The following WWOX variants were observed in gnomAD, a reference collection of about 807,000 sequenced individuals.
WWOX encodes the protein WW domain-containing oxidoreductase.
Under a neutral mutation model 46.2 loss-of-function variants are expected in WWOX, and 69 were observed. That is an observed-to-expected ratio of 1.49 (90% CI 1.23 to 1.82). The LOEUF (loss-of-function observed/expected upper bound fraction) is 1.82, where lower values mean the gene tolerates loss of function less well. Among genes scored for constraint, WWOX ranks in the 40% most tolerant of loss-of-function variants. The pLI is 0.00. For missense variants in WWOX, 919 were observed against 542.6 expected, an observed-to-expected ratio of 1.69 and a Z score of -6.89; for synonymous variants, 359 against 202.6, an observed-to-expected ratio of 1.77 and a Z score of -6.56.
At chr16:79,122,887 GCA>G (rs1266294368) in intron 8 of WWOX, among the ~76,000 whole-genome samples, 55 of 152,306 alleles carry the variant, frequency 3.6e-4, no homozygotes, top group African/African-American at 1.3e-3. Flanking sequence ...ACTGAGGCTT[GCA>G]ATGGCCACCT....
chr16:78,810,792 T>C (rs1035000474), intron 8 of WWOX, among the ~76,000 whole-genome samples: 9 of 152,078 alleles, frequency 5.9e-5, no homozygotes, highest in Non-Finnish European at 1.0e-4. Context: ...CAAATCATCT[T>C]ATGCAGGGGG....
intron 8 of WWOX, among the ~76,000 whole-genome samples, chr16:78,967,396 A>C (rs1553820): frequency 0.44 from 58,553 of 133,256 alleles, 13,305 homozygotes; most frequent in East Asian, 0.79. Flanking sequence ...CTTTCCACCC[A>C]CCTCAGCCTC....
At chr16:78,855,749 C>T (rs921742699) in intron 8 of WWOX, among the ~76,000 whole-genome samples, 2 of 152,166 alleles carry the variant, frequency 1.3e-5, no homozygotes, top group African/African-American at 2.4e-5. Flanking sequence ...CTCCTAACTT[C>T]TGTGTTTGCT....
intron 8 of WWOX, among the ~76,000 whole-genome samples, chr16:78,757,174 C>A (rs377712582): frequency 6.6e-6 from 1 of 151,998 alleles, no homozygotes; most frequent in Non-Finnish European, 1.5e-5. Flanking sequence ...AATTCTTGTG[C>A]GAGATAATAA....
intron 8 of WWOX, among the ~76,000 whole-genome samples, chr16:79,138,543 C>T (rs1194017041): frequency 3.3e-5 from 5 of 152,202 alleles, no homozygotes; most frequent in Non-Finnish European, 7.3e-5. Flanking sequence ...TGGGCCCTGG[C>T]ATCAGACCTG....
At chr16:78,379,881 G>C (rs1235280289) in intron 5 of WWOX, among the ~76,000 whole-genome samples, 1 of 152,158 alleles carries the variant, frequency 6.6e-6, no homozygotes, top group African/African-American at 2.4e-5. Flanking sequence ...TCCCATTATT[G>C]GTAAGCATAA....
At position 78,789,078 on chromosome 16, in the gene WWOX, T is replaced by C. The variant is rs2050528662; in HGVS notation, c.1056+356326T>C. Among the ~76,000 whole-genome samples, 3 of 152,146 alleles carry C rather than the reference T, an allele frequency of 2.0e-5. No individual in the cohort carries two copies. In the South Asian group the frequency reaches 6.2e-4, roughly 32 times the overall value. ...AAAGTTTTAACAACAAAAGTTTGGG[T>C]GTTGTATCTAAGAATCCATTGTCAA... On this transcript the variant is annotated intron_variant, in intron 8 of 8. Transcript: ENST00000566780.
At chr16:78,773,479 C>T (rs1208409605) in intron 8 of WWOX, among the ~76,000 whole-genome samples, 1 of 152,184 alleles carries the variant, frequency 6.6e-6, no homozygotes, top group East Asian at 1.9e-4. Flanking sequence ...AGGCGGGCAG[C>T]AGGGTACTTT....
At chr16:78,507,743 A>C (rs538816145) in intron 8 of WWOX, among the ~76,000 whole-genome samples, 4 of 152,252 alleles carry the variant, frequency 2.6e-5, no homozygotes, top group African/African-American at 9.6e-5. Context: ...GAGGAAACAC[A>C]GTCTTACTGT....
intron 8 of WWOX, among the ~76,000 whole-genome samples, chr16:78,521,770 T>C (rs1361256009): frequency 7.0e-6 from 1 of 142,728 alleles, no homozygotes; most frequent in African/African-American, 2.8e-5. Context: ...GTCAACACTT[T>C]AACACATAAC....
At chr16:79,053,273 A>C (rs1048486529) in intron 8 of WWOX, among the ~76,000 whole-genome samples, 2 of 152,102 alleles carry the variant, frequency 1.3e-5, no homozygotes, top group Non-Finnish European at 1.5e-5. Flanking sequence ...CCCCTACATA[A>C]ATTTATTTTG....
chr16:78,480,658 T>A (rs2151446140), intron 8 of WWOX, among the ~76,000 whole-genome samples: 1 of 152,338 alleles, frequency 6.6e-6, no homozygotes, highest in East Asian at 1.9e-4. Flanking sequence ...AGTACACAGA[T>A]GCACTGACAC....
intron 8 of WWOX, among the ~76,000 whole-genome samples, chr16:79,149,050 C>G (rs1597420288): frequency 6.8e-6 from 1 of 148,106 alleles, no homozygotes; most frequent in Non-Finnish European, 1.5e-5. Flanking sequence ...ATTGTAGTGG[C>G]TAGAACTTCC....
intron 8 of WWOX, among the ~76,000 whole-genome samples, chr16:79,039,857 G>A (rs1047398868): frequency 1.3e-5 from 2 of 152,174 alleles, no homozygotes; most frequent in Non-Finnish European, 2.9e-5. Context: ...CTACCAGTCA[G>A]GAGTTGCTTC....
intron 8 of WWOX, among the ~76,000 whole-genome samples, chr16:78,659,433 T>A (rs553064843): frequency 6.6e-6 from 1 of 152,242 alleles, no homozygotes; most frequent in African/African-American, 2.4e-5. Flanking sequence ...CCCGCCAGAC[T>A]TCCTGAACCA....
intron 1 of WWOX, 85 bp from the exon 2 acceptor site, chr16:78,108,337 TG>T: frequency 7.3e-7 from 1 of 1,378,840 alleles, no homozygotes; most frequent in Non-Finnish European, 1.0e-6. Flanking sequence ...TCTGGCTATC[TG>T]GGAGAGAAAA....
At chr16:79,202,142 G>C (rs916199871) in intron 8 of WWOX, among the ~76,000 whole-genome samples, 3 of 152,150 alleles carry the variant, frequency 2.0e-5, no homozygotes, top group African/African-American at 7.2e-5. Context: ...AACAATAGCA[G>C]AGTTGAGTGA....
intron 8 of WWOX, among the ~76,000 whole-genome samples, chr16:78,961,432 G>T (rs999488190): frequency 1.3e-5 from 2 of 152,076 alleles, no homozygotes; most frequent in Non-Finnish European, 2.9e-5. Context: ...ATAGCTATGG[G>T]ATACATGGAT....
chr16:79,151,423 C>A (rs2050276228), intron 8 of WWOX, among the ~76,000 whole-genome samples: 1 of 152,164 alleles, frequency 6.6e-6, no homozygotes, highest in Non-Finnish European at 1.5e-5. Flanking sequence ...TTTTTGGTTA[C>A]CCTGGACCAG....
Sources: gnomAD v4.1 joint callset for allele counts (sites outside exome capture counted in the v4.1 genomes callset) on GRCh38, gnomAD v4.1.1 for gene constraint, MANE v1.5 for transcripts, NCBI Gene and HGNC (gene_info 2026-07-23, HGNC 2026-07-21) for gene names.